The following TGFB2 variants were observed in gnomAD, a reference collection of about 807,000 sequenced individuals.
The protein encoded by TGFB2 is transforming growth factor beta-2 proprotein.
A neutral mutation model predicts 42.7 loss-of-function variants in TGFB2; 13 were observed. That is an observed-to-expected ratio of 0.30 (90% CI 0.20 to 0.48). The LOEUF (loss-of-function observed/expected upper bound fraction) is 0.48. Ranked by LOEUF, TGFB2 falls within the 20% of genes least tolerant of loss-of-function variation. The pLI, the probability that TGFB2 is intolerant of heterozygous loss-of-function variation, is 0.99. For missense variants in TGFB2, 390 were observed against 517.5 expected, an observed-to-expected ratio of 0.75 and a Z score of 2.39; for synonymous variants, 193 against 193.6, an observed-to-expected ratio of 1.00 and a Z score of 0.03.
chr1:218,346,782 C>T lies in TGFB2; in HGVS notation c.81C>T (p.Leu27=). 3 of 1,614,160 alleles carry T rather than the reference C, an allele frequency of 1.9e-6. No individual in the cohort carries two copies. The highest frequency in any genetic ancestry group is 2.5e-6 in the Non-Finnish European group (3 of 1,180,034). ...VALSLSTCST[L]DMDQFMRKRI... ...TCAGCCTGTCTACCTGCAGCACACT[C>T]GATATGGACCAGTTCATGCGCAAGA... The change falls in exon 1 of 7, where the codon CTC becomes CTT. Residue 27 remains leucine, a synonymous_variant. Transcript: ENST00000366930. The surrounding 1 kb of genome is among the most constrained non-coding windows in gnomAD (Gnocchi z 4.9).
chr1:218,441,513 C>T lies in TGFB2; in HGVS notation c.*151C>T. ...TGAAAAGGCGGTACTAGTTCAGACA[C>T]TTTGGAAGTTTGTGTTCTGTTTGTT... On this transcript the variant is annotated 3_prime_UTR_variant, in exon 7 of 7. Coordinates refer to ENST00000366930, the MANE Select transcript of TGFB2 (RefSeq NM_003238.6). 1 of 665,170 alleles carries T rather than the reference C, an allele frequency of 1.5e-6. No individual in the cohort carries two copies. Among genetic ancestry groups the T allele is most frequent in the South Asian group, 3.4e-5 (1 of 29,032 alleles). The allele number at this position is 665,170 out of a possible 1,614,324, so 41.2% of individuals were successfully genotyped here. A position where few individuals can be genotyped will look rare whatever the true frequency, so the allele number is the denominator to read the frequency against.
At chr1:218,351,820 G>T (rs1002867816) in intron 1 of TGFB2, among the ~76,000 whole-genome samples, 4 of 152,074 alleles carry the variant, frequency 2.6e-5, no homozygotes, top group African/African-American at 4.8e-5. Context: ...TAACCTAGTC[G>T]CAGCATCTTT....
chr1:218,431,504 A>G (rs777871494), intron 2 of TGFB2, among the ~76,000 whole-genome samples: 1 of 152,228 alleles, frequency 6.6e-6, no homozygotes, highest in East Asian at 1.9e-4. Flanking sequence ...ACATATATAC[A>G]TGTATATGTA....
intron 2 of TGFB2, among the ~76,000 whole-genome samples, chr1:218,424,831 A>G (rs1659568476): frequency 6.6e-6 from 1 of 152,234 alleles, no homozygotes. Context: ...AAAAGTAGTG[A>G]CCAGAACAAG....
intron 2 of TGFB2, among the ~76,000 whole-genome samples, chr1:218,414,184 G>A (rs999999629): frequency 2.6e-4 from 39 of 151,790 alleles, no homozygotes; most frequent in Admixed American, 8.5e-4. Flanking sequence ...GCACTAATGG[G>A]GTTAATGAAA....
At chr1:218,355,418 G>A (rs545244530) in intron 1 of TGFB2, among the ~76,000 whole-genome samples, 11 of 152,182 alleles carry the variant, frequency 7.2e-5, no homozygotes, top group Non-Finnish European at 1.5e-4. Flanking sequence ...AAATGGAAGC[G>A]GTAACATCAA....
intron 1 of TGFB2, among the ~76,000 whole-genome samples, chr1:218,354,287 G>A (rs1176194631): frequency 6.6e-6 from 1 of 152,174 alleles, no homozygotes; most frequent in Non-Finnish European, 1.5e-5. Context: ...GAGATGAAAT[G>A]TTCTGACCTT....
At chr1:218,385,340 T>C (rs781216540) in intron 1 of TGFB2, among the ~76,000 whole-genome samples, 3 of 152,236 alleles carry the variant, frequency 2.0e-5, no homozygotes, top group Non-Finnish European at 4.4e-5. Flanking sequence ...CTTGTACTTA[T>C]CATTTTGCAT....
chr1:218,416,707 C>G (rs1173231726), intron 2 of TGFB2, among the ~76,000 whole-genome samples: 1 of 152,154 alleles, frequency 6.6e-6, no homozygotes, highest in Non-Finnish European at 1.5e-5. Context: ...ACCCTGGCCC[C>G]TTGATATGGT....
At chr1:218,398,645 T>C (rs1210385931) in intron 1 of TGFB2, among the ~76,000 whole-genome samples, 3 of 152,130 alleles carry the variant, frequency 2.0e-5, no homozygotes, top group African/African-American at 7.2e-5. Context: ...TGGAGTGCAG[T>C]GGTGCAATCT....
chr1:218,398,473 G>C (rs1658598353), intron 1 of TGFB2, among the ~76,000 whole-genome samples: 1 of 152,144 alleles, frequency 6.6e-6, no homozygotes, highest in African/African-American at 2.4e-5. Context: ...TCTACATTCT[G>C]TTTCAGAGCT....
chr1:218,363,240 A>G (rs1021408307), intron 1 of TGFB2: 6 of 1,066,516 alleles, frequency 5.6e-6, no homozygotes, highest in Admixed American at 3.5e-5. Context: ...AGAACATTCA[A>G]TGAGTCCCTC....
At chr1:218,402,540 G>T (rs1658759051) in intron 1 of TGFB2, among the ~76,000 whole-genome samples, 1 of 151,456 alleles carries the variant, frequency 6.6e-6, no homozygotes, top group African/African-American at 2.4e-5. Flanking sequence ...ACCAGAAAAG[G>T]GGGGAAAAAA....
At chr1:218,354,126 C>T (rs1332493543) in intron 1 of TGFB2, among the ~76,000 whole-genome samples, 2 of 152,194 alleles carry the variant, frequency 1.3e-5, no homozygotes, top group Non-Finnish European at 2.9e-5. Context: ...TCAAGTCTAA[C>T]TTATCTATAT....
At chr1:218,360,724 C>T (rs1657181953) in intron 1 of TGFB2, among the ~76,000 whole-genome samples, 1 of 152,116 alleles carries the variant, frequency 6.6e-6, no homozygotes, top group Non-Finnish European at 1.5e-5. Context: ...ACTATAAATG[C>T]CTCAGATTTT....
At chr1:218,375,242 C>T (rs1406760914) in intron 1 of TGFB2, among the ~76,000 whole-genome samples, 1 of 152,024 alleles carries the variant, frequency 6.6e-6, no homozygotes, top group African/African-American at 2.4e-5. Flanking sequence ...TCCCAACCTG[C>T]TGTTGATAAG....
intron 5 of TGFB2, 142 bp from the exon 6 acceptor site, chr1:218,437,201 C>A: frequency 1.2e-6 from 1 of 839,728 alleles, no homozygotes; most frequent in South Asian, 1.9e-5. Flanking sequence ...GCCATTAAAA[C>A]CTGGCCCATG....
At chr1:218,387,163 G>A (rs1285563285) in intron 1 of TGFB2, among the ~76,000 whole-genome samples, 1 of 151,970 alleles carries the variant, frequency 6.6e-6, no homozygotes, top group Admixed American at 6.6e-5. Context: ...CATGGGTGTG[G>A]TGGTGCTTGG....
intron 1 of TGFB2, among the ~76,000 whole-genome samples, chr1:218,400,928 G>A (rs1301814478): frequency 6.6e-6 from 1 of 152,166 alleles, no homozygotes; most frequent in African/African-American, 2.4e-5. Context: ...GTGGACAGGT[G>A]ACAGGAGGTG....
Sources: allele counts gnomAD v4.1 joint callset (sites outside exome capture counted in the v4.1 genomes callset), GRCh38; gene constraint gnomAD v4.1.1; non-coding constraint Gnocchi (gnomAD v3.1); transcripts MANE v1.5; gene names NCBI Gene and HGNC (gene_info 2026-07-23, HGNC 2026-07-21).